MARCHF6: variants seen among roughly 807,000 people sequenced by gnomAD.
The protein encoded by MARCHF6 is E3 ubiquitin-protein ligase MARCHF6.
MARCHF6 carries 31 observed loss-of-function variants against 133.7 expected under a neutral mutation model. The observed-to-expected ratio is 0.23, with a 90% CI of 0.17 to 0.31. The LOEUF (loss-of-function observed/expected upper bound fraction) is 0.31, where lower values mean the gene tolerates loss of function less well. MARCHF6 is among the 10% of genes least tolerant of loss of function. The pLI, the probability that MARCHF6 is intolerant of heterozygous loss-of-function variation, is 1.00. For synonymous variants in MARCHF6, 395 were observed against 402.5 expected (o/e 0.98, Z 0.22); for missense variants, 723 against 1,121.6 (o/e 0.64, Z 5.08).
rs202124165 is a variant in MARCHF6, at chr5:10,437,071, AAAC to A, written c.*3390_*3392del. On this transcript the variant is annotated 3_prime_UTR_variant, in exon 26 of 26. Coordinates refer to ENST00000274140, the MANE Select transcript of MARCHF6 (RefSeq NM_005885.4). ...GTTGAATTGATGACTTTTTAAAACA[AAAC>A]AAACACTGGACAGTTCTACATTGTA... 1.1e-4 allele frequency: 16 copies of A among 152,380 alleles called. No individual in the cohort carries two copies. The East Asian group carries it at 1.5e-3, about 15-fold the overall frequency. The allele number at this position is 152,380 out of a possible 1,614,324, so 9.4% of individuals were successfully genotyped here.
At chr5:10,361,210 A>T (rs909856969) in intron 1 of MARCHF6, among the ~76,000 whole-genome samples, 1 of 152,244 alleles carries the variant, frequency 6.6e-6, no homozygotes, top group African/African-American at 2.4e-5. Context: ...TAATATAAGG[A>T]GGAGGAGTTA....
Position 10,381,834 on chromosome 5 carries a change from T to C in MARCHF6, c.225T>C (p.Ile75=). ...YSPDMPSRLP[I]QDIFAGLVTS... Reference sequence around the variant, plus strand: ...CAGATATGCCTTCACGGCTTCCAATTCAAGACATATTTGCTGGACTGGTTA... The same window carrying C: ...CAGATATGCCTTCACGGCTTCCAATCCAAGACATATTTGCTGGACTGGTTA... The change falls in exon 4 of 26, where the codon ATT becomes ATC. Residue 75 remains isoleucine, a synonymous_variant. Coordinates refer to ENST00000274140, the MANE Select transcript of MARCHF6 (RefSeq NM_005885.4). The C allele has an allele frequency of 6.2e-7, 1 of 1,611,070 alleles. No homozygotes were observed. The highest frequency in any genetic ancestry group is 8.5e-7 in the Non-Finnish European group (1 of 1,178,886).
intron 1 of MARCHF6, among the ~76,000 whole-genome samples, chr5:10,373,663 G>T (rs190578351): frequency 6.6e-6 from 1 of 152,278 alleles, no homozygotes; most frequent in Admixed American, 6.5e-5. Flanking sequence ...CTGGAGGGCA[G>T]CGTCCCACGG....
chr5:10,399,218 A>C (rs1380975285), intron 10 of MARCHF6, among the ~76,000 whole-genome samples: 1 of 152,192 alleles, frequency 6.6e-6, no homozygotes, highest in Non-Finnish European at 1.5e-5. Flanking sequence ...TGAGAGCAAA[A>C]TAGGCAAAAT....
rs374549754 is a variant in MARCHF6, at chr5:10,429,846, A to G, written c.2507-47A>G. On this transcript the variant is annotated intron_variant, in intron 24 of 25. Coordinates refer to ENST00000274140, the MANE Select transcript of MARCHF6 (RefSeq NM_005885.4). ...GAAGGACATGTTTACGTTTCATGTCACTGTTATTTCACATACACTGAAAGT... is the reference window on the plus strand; with the variant it reads ...GAAGGACATGTTTACGTTTCATGTCGCTGTTATTTCACATACACTGAAAGT... 7.8e-6 allele frequency: 12 copies of G among 1,539,710 alleles called. No homozygotes were observed. In the African/African-American group the frequency reaches 9.6e-5, roughly 12 times the overall value.
intron 1 of MARCHF6, among the ~76,000 whole-genome samples, chr5:10,359,756 G>T (rs1398058155): frequency 1.3e-5 from 2 of 152,170 alleles, no homozygotes; most frequent in Non-Finnish European, 2.9e-5. Context: ...TGTAATCCCA[G>T]CACTTTCGGA....
At position 10,394,273 on chromosome 5, in the gene MARCHF6, A is replaced by G. The variant is rs191020133; in HGVS notation, c.828+130A>G. 4.9e-4 allele frequency: 243 copies of G among 495,690 alleles called. 3 individuals carry two copies. The highest frequency in any genetic ancestry group is 4.4e-3 in the African/African-American group (218 of 49,652). The allele number at this position is 495,690 out of a possible 1,614,324, so 30.7% of individuals were successfully genotyped here. On this transcript the variant is annotated intron_variant, in intron 8 of 25. Coordinates refer to ENST00000274140, the MANE Select transcript of MARCHF6 (RefSeq NM_005885.4). The stretch of plus-strand genomic sequence containing the variant: ...AAAAGTTACTAGAATTTTCATTCCT[A>G]GTGAAAGTTAAGTGATATATTGTTT...
chr5:10,385,968 C>G (rs1255105334), intron 4 of MARCHF6, among the ~76,000 whole-genome samples: 1 of 151,752 alleles, frequency 6.6e-6, no homozygotes, highest in Non-Finnish European at 1.5e-5. Context: ...TGTAACTTTT[C>G]TCTAGCTTAG....
intron 1 of MARCHF6, among the ~76,000 whole-genome samples, chr5:10,373,458 C>G (rs1193092981): frequency 2.0e-5 from 3 of 152,148 alleles, no homozygotes; most frequent in Admixed American, 2.0e-4. Context: ...ACAGCTTTCT[C>G]AGGCCACGCA....
At chr5:10,389,714 T>A (rs1737705252) in intron 5 of MARCHF6, among the ~76,000 whole-genome samples, 1 of 152,212 alleles carries the variant, frequency 6.6e-6, no homozygotes, top group South Asian at 2.1e-4. Context: ...GTGACAAACT[T>A]CTATAAAATT....
intron 2 of MARCHF6, among the ~76,000 whole-genome samples, chr5:10,378,432 T>A (rs1320556828): frequency 2.0e-5 from 3 of 152,228 alleles, no homozygotes; most frequent in Non-Finnish European, 4.4e-5. Flanking sequence ...CAGACCTAGC[T>A]ACCAGGTACC....
intron 5 of MARCHF6, among the ~76,000 whole-genome samples, 185 bp downstream of exon 5, chr5:10,387,251 A>G (rs1737536732): frequency 6.6e-6 from 1 of 152,112 alleles, no homozygotes; most frequent in South Asian, 2.1e-4. Flanking sequence ...CTTCTTTTAA[A>G]ACATACCTGT....
At position 10,423,771 on chromosome 5, in the gene MARCHF6, G is replaced by A; in HGVS notation, c.2320G>A (p.Ala774Thr). Residue 774 changes from alanine to threonine, a missense_variant, in exon 23 of 26, where the codon GCA becomes ACA. By Grantham distance (58) the Ala-to-Thr change is moderately conservative (BLOSUM62 0). This residue lies in a region of MARCHF6 where 492 missense variants were observed against 699.5 expected (regional missense o/e 0.70). Transcript: ENST00000274140. Reference protein sequence around the residue: ...ALGVLHAKIIAAITLMGPQWW... With the variant: ...ALGVLHAKIITAITLMGPQWW... ...TGGAGTCCTGCATGCCAAAATCATT[G>A]CAGCTATAACATTGATGGGTCCTCA... 6.2e-7 allele frequency: 1 copy of A among 1,613,624 alleles called. No homozygotes were observed. Among genetic ancestry groups the A allele is most frequent in the East Asian group, 2.2e-5 (1 of 44,844 alleles).
At chr5:10,396,258 AG>A (rs1160098963) in intron 9 of MARCHF6, among the ~76,000 whole-genome samples, 4 of 152,186 alleles carry the variant, frequency 2.6e-5, no homozygotes, top group Non-Finnish European at 5.9e-5. Context: ...AATGTTTTGG[AG>A]TCTCAGTGAC....
At chr5:10,383,473 T>C (rs1462510845) in intron 4 of MARCHF6, among the ~76,000 whole-genome samples, 4 of 152,178 alleles carry the variant, frequency 2.6e-5, no homozygotes, top group African/African-American at 7.2e-5. Context: ...GATTGTATGC[T>C]TCCAGATTAT....
rs1246359143 is a variant in MARCHF6 at position 10,353,910 on chromosome 5, G to C, written c.12G>C (p.Ala4=). 5 of 1,564,000 alleles carry C rather than the reference G, an allele frequency of 3.2e-6. No homozygotes were observed. The highest frequency in any genetic ancestry group is 1.2e-5 in the South Asian group (1 of 85,856). The part of the protein sequence containing the change: MDT[A]EEDICRVCRS... ...CCCCCCCAGACAAGATGGACACCGCGGAGGAAGGTAAGTCGGCGACGCGCG... is the reference window on the plus strand; with the variant it reads ...CCCCCCCAGACAAGATGGACACCGCCGAGGAAGGTAAGTCGGCGACGCGCG... Residue 4 remains alanine, a synonymous_variant, in exon 1 of 26, where the codon GCG becomes GCC. Transcript: ENST00000274140.
chr5:10,372,571 A>C (rs1352993536), intron 1 of MARCHF6, among the ~76,000 whole-genome samples: 1 of 152,208 alleles, frequency 6.6e-6, no homozygotes, highest in East Asian at 1.9e-4. Context: ...TTTTCATATA[A>C]ACCAAACCAC....
chr5:10,388,953 A>G (rs1379725001), intron 5 of MARCHF6, among the ~76,000 whole-genome samples: 2 of 152,216 alleles, frequency 1.3e-5, no homozygotes, highest in Non-Finnish European at 2.9e-5. Flanking sequence ...TTCAGAATTT[A>G]GTAGCCTGGA....
chr5:10,379,084 A>AT (rs397759187), intron 3 of MARCHF6, among the ~76,000 whole-genome samples: 1 of 150,704 alleles, frequency 6.6e-6, no homozygotes. Flanking sequence ...TGTCTTTAAA[A>AT]TTTATTTACT....
Sources: allele counts gnomAD v4.1 joint callset (sites outside exome capture counted in the v4.1 genomes callset), GRCh38; gene constraint gnomAD v4.1.1; regional missense constraint gnomAD v4.1.1; transcripts MANE v1.5; gene names NCBI Gene and HGNC (gene_info 2026-07-23, HGNC 2026-07-21).